The following FBP1 variants were observed in gnomAD, a reference collection of about 807,000 sequenced individuals.
The protein encoded by FBP1 is fructose-bisphosphatase 1.
In FBP1, 22 loss-of-function variants were observed where a neutral mutation model predicts 29.9. The ratio of observed to expected loss-of-function variants is 0.74; its 90% confidence interval spans 0.53 to 1.05. FBP1 has a LOEUF of 1.05. FBP1 is among the 50% of genes least tolerant of loss of function. FBP1 has a pLI of 0.00. For synonymous variants in FBP1, 175 were observed against 178.6 expected (o/e 0.98, Z 0.16); for missense variants, 345 against 448.2 (o/e 0.77, Z 2.08).
At chr9:94,604,879 A>G (rs2131471186) in intron 6 of FBP1, among the ~76,000 whole-genome samples, 1 of 152,294 alleles carries the variant, frequency 6.6e-6, no homozygotes, top group African/African-American at 2.4e-5. Flanking sequence ...GGCAGCTCTG[A>G]GCGAGCGTGA....
upstream of FBP1, among the ~76,000 whole-genome samples, chr9:94,639,708 G>A: frequency 7.0e-6 from 1 of 142,540 alleles, no homozygotes; most frequent in South Asian, 2.2e-4. Flanking sequence ...CCGCCCCCTA[G>A]TCTTCCTGGG....
At chr9:94,613,020 T>C (rs1416184068) in intron 3 of FBP1, among the ~76,000 whole-genome samples, 1 of 152,182 alleles carries the variant, frequency 6.6e-6, no homozygotes, top group Non-Finnish European at 1.5e-5. Flanking sequence ...AGGCACTGGC[T>C]CCATGTCATC....
intron 6 of FBP1, among the ~76,000 whole-genome samples, chr9:94,605,133 G>C (rs1276705938): frequency 1.3e-5 from 2 of 152,174 alleles, no homozygotes; most frequent in Admixed American, 1.3e-4. Context: ...GTGAGGCTGG[G>C]TTGTTTCATT....
At chr9:94,610,497 C>T (rs190330720) in intron 3 of FBP1, among the ~76,000 whole-genome samples, 4 of 152,326 alleles carry the variant, frequency 2.6e-5, no homozygotes, top group Admixed American at 1.3e-4. Flanking sequence ...GAGCTCTTGC[C>T]GCTGCAGCCC....
intron 3 of FBP1, among the ~76,000 whole-genome samples, chr9:94,613,308 G>T (rs1231399869): frequency 6.6e-6 from 1 of 152,186 alleles, no homozygotes; most frequent in African/African-American, 2.4e-5. Flanking sequence ...GCATTATTGG[G>T]AGGGCAGAAA....
At chr9:94,615,851 G>A (rs189297825) in intron 3 of FBP1, among the ~76,000 whole-genome samples, 82 of 146,002 alleles carry the variant, frequency 5.6e-4, no homozygotes, top group African/African-American at 1.7e-3. Context: ...TTTTTGAGAC[G>A]GAGTCTAGCT....
At chr9:94,619,804 G>A (rs2131488645) in intron 2 of FBP1, among the ~76,000 whole-genome samples, 1 of 148,406 alleles carries the variant, frequency 6.7e-6, no homozygotes, top group South Asian at 2.1e-4. Context: ...AACCCAGGAG[G>A]CGGAGGTTGC....
chr9:94,639,103 C>CA, intron 1 of FBP1, 38 bp downstream of exon 1: 1 of 1,564,164 alleles, frequency 6.4e-7, no homozygotes. Flanking sequence ...CCCAGGCAGA[C>CA]AGACAGGACG....
intron 3 of FBP1, among the ~76,000 whole-genome samples, chr9:94,614,874 T>C (rs1827839784): frequency 6.6e-6 from 1 of 152,158 alleles, no homozygotes; most frequent in African/African-American, 2.4e-5. Context: ...GTCTGTGTCA[T>C]ACTCATCATC....
Position 94,617,819 on chromosome 9 carries a change from G to A in FBP1, c.375C>T (p.Ser125=). The part of the protein sequence containing the change: ...VVCFDPLDGS[S]NIDCLVSVGT... ...CAACGGACACAAGGCAATCGATGTTGGAAGATCCATCAAGGGGATCAAAAC... is the reference window on the plus strand; with the variant it reads ...CAACGGACACAAGGCAATCGATGTTAGAAGATCCATCAAGGGGATCAAAAC... Residue 125 remains serine, a synonymous_variant, in exon 3 of 7, where the codon TCC becomes TCT. Transcript: ENST00000375326. The A allele has an allele frequency of 6.2e-7, 1 of 1,613,872 alleles. No individual in the cohort carries two copies. The highest frequency in any genetic ancestry group is 8.5e-7 in the Non-Finnish European group (1 of 1,179,888).
intron 1 of FBP1, among the ~76,000 whole-genome samples, chr9:94,631,993 T>C (rs1431892120): frequency 1.3e-5 from 2 of 151,994 alleles, no homozygotes; most frequent in Non-Finnish European, 2.9e-5. Context: ...GCAAACAAAC[T>C]TGCAATTTCA....
intron 4 of FBP1, among the ~76,000 whole-genome samples, chr9:94,607,523 G>T (rs1382907621): frequency 3.9e-5 from 6 of 152,168 alleles, no homozygotes; most frequent in South Asian, 4.1e-4. Flanking sequence ...CGTAACTTCC[G>T]ATGGCCTTTG....
Position 94,605,477 on chromosome 9 carries a change from T to A in FBP1, c.805A>T (p.Lys269Ter). 6.2e-7 allele frequency: 1 copy of A among 1,614,002 alleles called. No individual in the cohort carries two copies. Among genetic ancestry groups the A allele is most frequent in the Non-Finnish European group, 8.5e-7 (1 of 1,180,026 alleles). ...YGGIFLYPAN[K>*]KSPNGKLRLL... ...CTTACCTTTCCATTGGGGCTCTTCT[T>A]GTTAGCGGGGTACAGAAATATCCCT... Residue 269 changes from lysine to a stop codon, truncating the protein, a stop_gained, in exon 6 of 7, where the codon AAG becomes TAG. Coordinates refer to ENST00000375326, the MANE Select transcript of FBP1 (RefSeq NM_000507.4). LOFTEE classifies it high-confidence loss of function.
In FBP1 at chr9:94,605,451, C is replaced by T; in HGVS notation, c.825+6G>A. On this transcript the variant is annotated splice_donor_region_variant and intron_variant, in intron 6 of 6. Coordinates refer to ENST00000375326, the MANE Select transcript of FBP1 (RefSeq NM_000507.4). ...TCCTCACTCCCTCTCCAGGGGACACCCTTACCTTTCCATTGGGGCTCTTCT... is the reference window on the plus strand; with the variant it reads ...TCCTCACTCCCTCTCCAGGGGACACTCTTACCTTTCCATTGGGGCTCTTCT... 1 of 1,613,244 alleles carries T rather than the reference C, an allele frequency of 6.2e-7. No homozygotes were observed. Among genetic ancestry groups the T allele is most frequent in the Non-Finnish European group, 8.5e-7 (1 of 1,179,832 alleles).
chr9:94,615,171 G>T (rs762413565), intron 3 of FBP1, among the ~76,000 whole-genome samples: 25 of 152,330 alleles, frequency 1.6e-4, no homozygotes, highest in Non-Finnish European at 2.5e-4. Flanking sequence ...GCCTCCCAAA[G>T]TGCTGGGATT....
chr9:94,606,724 C>T (rs1827705311), intron 5 of FBP1, 91 bp downstream of exon 5: 3 of 1,357,612 alleles, frequency 2.2e-6, no homozygotes, highest in South Asian at 2.5e-5. Context: ...CCAAGGATCC[C>T]TTTCATCTCC....
At chr9:94,612,403 C>T (rs28369716) in intron 3 of FBP1, among the ~76,000 whole-genome samples, 554 of 152,272 alleles carry the variant, frequency 3.6e-3, no homozygotes, top group Non-Finnish European at 7.1e-3. Flanking sequence ...GACATACGGT[C>T]ACCAAATGCT....
At chr9:94,621,010 G>A (rs868053412) in intron 1 of FBP1, among the ~76,000 whole-genome samples, 4 of 151,948 alleles carry the variant, frequency 2.6e-5, no homozygotes, top group South Asian at 2.1e-4. Flanking sequence ...TCAGGGGATC[G>A]AGACCATCCT....
intron 6 of FBP1, 138 bp downstream of exon 6, chr9:94,605,319 A>G: frequency 1.1e-6 from 1 of 870,680 alleles, no homozygotes; most frequent in Non-Finnish European, 1.8e-6. Context: ...TTTAATCCAC[A>G]AAAGAATATG....
Sources: allele counts gnomAD v4.1 joint callset (sites outside exome capture counted in the v4.1 genomes callset), GRCh38; gene constraint gnomAD v4.1.1; transcripts MANE v1.5; gene names NCBI Gene and HGNC (gene_info 2026-07-23, HGNC 2026-07-21).